The following SEPHS1 variants were observed in gnomAD, a reference collection of about 807,000 sequenced individuals.
The protein encoded by SEPHS1 is selenophosphate synthetase 1.
A neutral mutation model predicts 39.2 loss-of-function variants in SEPHS1; 7 were observed. The ratio of observed to expected loss-of-function variants is 0.18; its 90% CI spans 0.10 to 0.34. The LOEUF (loss-of-function observed/expected upper bound fraction) is 0.34. SEPHS1 is among the 10% of genes least tolerant of loss of function. The pLI is 1.00. For missense variants in SEPHS1, 253 were observed against 514.5 expected, an observed-to-expected ratio of 0.49 and a Z score of 4.92; for synonymous variants, 190 against 195.5, an observed-to-expected ratio of 0.97 and a Z score of 0.23.
intron 6 of SEPHS1, among the ~76,000 whole-genome samples, chr10:13,328,693 G>C (rs1833377929): frequency 6.6e-6 from 1 of 152,092 alleles, no homozygotes; most frequent in African/African-American, 2.4e-5. Flanking sequence ...GTGATTTATT[G>C]GGTATGTGTA....
chr10:13,338,613 A>T (rs1833707143), intron 3 of SEPHS1, 92 bp downstream of exon 3: 1 of 1,018,788 alleles, frequency 9.8e-7, no homozygotes, highest in African/African-American at 1.6e-5. Context: ...AAATAAAACC[A>T]AAACCCCACA....
chr10:13,344,111 CA>C (rs967879197), intron 2 of SEPHS1, among the ~76,000 whole-genome samples: 2 of 152,084 alleles, frequency 1.3e-5, no homozygotes, highest in Non-Finnish European at 2.9e-5. Context: ...GGGTCTGGAG[CA>C]GTCCCACCTC....
intron 6 of SEPHS1, among the ~76,000 whole-genome samples, chr10:13,329,275 C>T (rs921664761): frequency 1.3e-5 from 2 of 152,150 alleles, no homozygotes; most frequent in African/African-American, 4.8e-5. Context: ...GACAAAACTA[C>T]CAAACAAAAA....
chr10:13,338,262 T>C (rs1320847262), intron 3 of SEPHS1, among the ~76,000 whole-genome samples: 2 of 152,222 alleles, frequency 1.3e-5, no homozygotes, highest in Non-Finnish European at 2.9e-5. Context: ...TGTGATGAGA[T>C]ACTAGCTCCT....
chr10:13,328,720 G>A (rs572795542), intron 6 of SEPHS1, among the ~76,000 whole-genome samples: 5 of 152,264 alleles, frequency 3.3e-5, no homozygotes, highest in East Asian at 1.9e-4. Flanking sequence ...CGGGACACAC[G>A]GCGGCACTGC....
At chr10:13,344,507 TC>T (rs1312416967) in intron 2 of SEPHS1, among the ~76,000 whole-genome samples, 3 of 151,870 alleles carry the variant, frequency 2.0e-5, no homozygotes, top group Non-Finnish European at 2.9e-5. Flanking sequence ...GCTCTTCTAA[TC>T]CTTCCCACAA....
intron 5 of SEPHS1, among the ~76,000 whole-genome samples, chr10:13,330,280 TAG>T (rs1403374900): frequency 6.6e-6 from 1 of 152,076 alleles, no homozygotes; most frequent in Non-Finnish European, 1.5e-5. Context: ...ACTGATATGC[TAG>T]AGACTCAGGA....
At chr10:13,336,772 C>G (rs1190212976) in intron 3 of SEPHS1, among the ~76,000 whole-genome samples, 1 of 146,456 alleles carries the variant, frequency 6.8e-6, no homozygotes, top group African/African-American at 2.4e-5. Flanking sequence ...TGGAAACAGC[C>G]ACATATCCCA....
At position 13,344,933 on chromosome 10, in the gene SEPHS1, G is replaced by C. The variant is rs1216084564; in HGVS notation, c.18C>G (p.Ser6=). 1 of 1,584,062 alleles carries C rather than the reference G, an allele frequency of 6.3e-7. No individual in the cohort carries two copies. The highest frequency in any genetic ancestry group is 8.6e-7 in the Non-Finnish European group (1 of 1,163,796). The change falls in exon 2 of 9, where the codon TCC becomes TCG. Residue 6 remains serine, a synonymous_variant. Coordinates refer to ENST00000327347, the MANE Select transcript of SEPHS1 (RefSeq NM_012247.5). ...CCAATTCGTAACTTTCCGGGTTAAA[G>C]GACTCCCGCGTAGACATGGTTCTTG... MSTRE[S]FNPESYELDK...
At chr10:13,323,648 C>T (rs1030090306) in intron 7 of SEPHS1, among the ~76,000 whole-genome samples, 3 of 152,114 alleles carry the variant, frequency 2.0e-5, no homozygotes, top group Admixed American at 6.6e-5. Context: ...CCACCACACC[C>T]GGCCAAGACC....
At position 13,323,028 on chromosome 10, in the gene SEPHS1, C is replaced by T. The variant is rs7898477; in HGVS notation, c.771G>A (p.Thr257=). The T allele has an allele frequency of 1.5e-5, 25 of 1,613,918 alleles. No individual in the cohort carries two copies. The highest frequency in any genetic ancestry group is 3.3e-5 in the South Asian group (3 of 91,066). ...TGTCAGTGGCGGCGTGGGCATTGAACGTGTGCATGAGTCCTGCAGCTGGGA... is the reference window on the plus strand; with the variant it reads ...TGTCAGTGGCGGCGTGGGCATTGAATGTGTGCATGAGTCCTGCAGCTGGGA... ...LNRTAAGLMH[T]FNAHAATDIT... Residue 257 remains threonine, a synonymous_variant, in exon 8 of 9, where the codon ACG becomes ACA. Coordinates refer to ENST00000327347, the MANE Select transcript of SEPHS1 (RefSeq NM_012247.5).
intron 3 of SEPHS1, among the ~76,000 whole-genome samples, chr10:13,337,299 G>A (rs1195879111): frequency 6.6e-6 from 1 of 152,146 alleles, no homozygotes; most frequent in East Asian, 1.9e-4. Context: ...GCATTTCCCA[G>A]TAAATGATGT....
chr10:13,344,563 G>A (rs1008358423), intron 2 of SEPHS1, among the ~76,000 whole-genome samples, 195 bp downstream of exon 2: 1 of 152,078 alleles, frequency 6.6e-6, no homozygotes, highest in Non-Finnish European at 1.5e-5. Context: ...CTATTTGGGT[G>A]ATGGCTACAC....
Position 13,328,458 on chromosome 10 carries a change from T to A in SEPHS1, c.652-8A>T. ...CTTATTCCATTTCTCAGGCTGATAA[T>A]AGAAATGTAGGTGAGGGAGAGAAAG... is the stretch of plus-strand genomic sequence containing the variant. On this transcript the variant is annotated splice_region_variant and splice_polypyrimidine_tract_variant and intron_variant, in intron 6 of 8. Transcript: ENST00000327347. 1 of 1,576,132 alleles carries A rather than the reference T, an allele frequency of 6.3e-7. No homozygotes were observed. Among genetic ancestry groups the A allele is most frequent in the Non-Finnish European group, 8.7e-7 (1 of 1,146,396 alleles).
chr10:13,346,191 G>C (rs1833916754), intron 1 of SEPHS1, among the ~76,000 whole-genome samples: 1 of 152,136 alleles, frequency 6.6e-6, no homozygotes, highest in African/African-American at 2.4e-5. Flanking sequence ...TAGGTTTCTG[G>C]AACAAGCACT....
intron 4 of SEPHS1, among the ~76,000 whole-genome samples, chr10:13,335,539 C>T (rs1405564938): frequency 2.0e-5 from 3 of 152,102 alleles, no homozygotes; most frequent in Non-Finnish European, 4.4e-5. Context: ...TGGTGTGCCC[C>T]TGTAATCCCA....
chr10:13,346,075 CA>C (rs1480865793), intron 1 of SEPHS1, among the ~76,000 whole-genome samples: 1 of 152,214 alleles, frequency 6.6e-6, no homozygotes, highest in Non-Finnish European at 1.5e-5. Flanking sequence ...CTAGTACACA[CA>C]TCATTGACAA....
chr10:13,320,251 G>T (rs1045934396), intron 8 of SEPHS1, among the ~76,000 whole-genome samples: 1 of 150,544 alleles, frequency 6.6e-6, no homozygotes, highest in Admixed American at 6.6e-5. Context: ...GTGTGATCTC[G>T]GCTCACTGCA....
chr10:13,345,214 C>A (rs1588551518), intron 1 of SEPHS1, 186 bp from the exon 2 acceptor site: 2 of 303,022 alleles, frequency 6.6e-6, no homozygotes, highest in East Asian at 1.1e-4. Flanking sequence ...TGCGTCAGCA[C>A]AGACATCTAT....
Sources: gnomAD v4.1 joint callset for allele counts (sites outside exome capture counted in the v4.1 genomes callset) on GRCh38, gnomAD v4.1.1 for gene constraint, MANE v1.5 for transcripts, NCBI Gene and HGNC (gene_info 2026-07-23, HGNC 2026-07-21) for gene names.